EPHA6: variants seen among roughly 807,000 people sequenced by gnomAD.
EPHA6 encodes ephrin type-A receptor 6.
In EPHA6, 50 loss-of-function variants were observed where a neutral mutation model predicts 112.0. The ratio of observed to expected loss-of-function variants is 0.45; its 90% CI spans 0.36 to 0.56. EPHA6 has a LOEUF of 0.56. Ranked by LOEUF, EPHA6 falls within the 20% of genes least tolerant of loss-of-function variation. The probability of loss-of-function intolerance (pLI) is 0.00; values close to 1 mark genes in which losing one functional copy is unlikely to be tolerated. For synonymous variants in EPHA6, 529 were observed against 490.7 expected, an observed-to-expected ratio of 1.08 and a Z score of -1.03; for missense variants, 1,280 against 1,417.4, an observed-to-expected ratio of 0.90 and a Z score of 1.56.
chr3:97,544,749 A>G (rs1228126999), intron 11 of EPHA6, among the ~76,000 whole-genome samples: 3 of 152,154 alleles, frequency 2.0e-5, no homozygotes, highest in Non-Finnish European at 4.4e-5. Flanking sequence ...TAAGCTATTG[A>G]TTATTGCCTC....
At chr3:97,244,375 G>A in intron 5 of EPHA6, 88 bp downstream of exon 5, 1 of 1,146,178 alleles carries the variant, frequency 8.7e-7, no homozygotes, top group Non-Finnish European at 1.3e-6. Flanking sequence ...TATTGCAGGT[G>A]CTATGCAGTC....
intron 2 of EPHA6, among the ~76,000 whole-genome samples, chr3:96,941,636 G>T (rs1176719620): frequency 2.0e-5 from 3 of 152,290 alleles, no homozygotes; most frequent in South Asian, 2.1e-4. Context: ...TTCCATTGCT[G>T]GTGAGGAACT....
At chr3:97,307,397 A>G (rs2081364892) in intron 5 of EPHA6, among the ~76,000 whole-genome samples, 1 of 151,824 alleles carries the variant, frequency 6.6e-6, no homozygotes, top group Non-Finnish European at 1.5e-5. Flanking sequence ...TCAGAGAGTC[A>G]TAGTATTAAC....
At chr3:97,043,327 G>A (rs2045385717) in intron 3 of EPHA6, among the ~76,000 whole-genome samples, 1 of 152,036 alleles carries the variant, frequency 6.6e-6, no homozygotes, top group Admixed American at 6.6e-5. Context: ...ATCCAAACCT[G>A]AGCTGCCCAT....
chr3:96,949,826 C>T (rs2041449969), intron 2 of EPHA6, among the ~76,000 whole-genome samples: 1 of 152,126 alleles, frequency 6.6e-6, no homozygotes. Context: ...CTACCATGAC[C>T]TTAGAAGGTT....
At chr3:97,032,236 G>C (rs1271625611) in intron 3 of EPHA6, among the ~76,000 whole-genome samples, 1 of 152,070 alleles carries the variant, frequency 6.6e-6, no homozygotes, top group African/African-American at 2.4e-5. Flanking sequence ...TCATAGGTGG[G>C]AATTGAACAA....
At chr3:97,076,873 C>A (rs2046544240) in intron 3 of EPHA6, among the ~76,000 whole-genome samples, 1 of 152,108 alleles carries the variant, frequency 6.6e-6, no homozygotes, top group Non-Finnish European at 1.5e-5. Context: ...GACAGCACAT[C>A]TATTTATAGC....
intron 5 of EPHA6, among the ~76,000 whole-genome samples, chr3:97,293,833 C>T (rs1397313851): frequency 6.6e-6 from 1 of 152,208 alleles, no homozygotes; most frequent in East Asian, 1.9e-4. Context: ...GGATCCCTGG[C>T]TGTCCATGCC....
intron 2 of EPHA6, among the ~76,000 whole-genome samples, chr3:96,938,966 A>C (rs578206660): frequency 1.3e-5 from 2 of 152,170 alleles, no homozygotes; most frequent in African/African-American, 4.8e-5. Context: ...CCACTTGATC[A>C]TGGTGGATAA....
At chr3:96,851,834 GA>G (rs1303156276) in intron 1 of EPHA6, among the ~76,000 whole-genome samples, 1 of 149,818 alleles carries the variant, frequency 6.7e-6, no homozygotes, top group Admixed American at 6.6e-5. Flanking sequence ...GGAATGGTGA[GA>G]AAAAAAAACG....
At chr3:97,047,499 CAAAAAAAAAAA>C (rs556388538) in intron 3 of EPHA6, among the ~76,000 whole-genome samples, 2 of 46,452 alleles carry the variant, frequency 4.3e-5, no homozygotes, top group African/African-American at 1.4e-4. Flanking sequence ...GACTCTGTCT[CAAAAAAAAAAA>C]AAAAAAAAAA....
intron 5 of EPHA6, among the ~76,000 whole-genome samples, chr3:97,334,478 C>CTTTTTTTTTTTTTTTT (rs1354125066): frequency 2.3e-5 from 3 of 128,066 alleles, no homozygotes; most frequent in African/African-American, 8.9e-5. Flanking sequence ...TTTTTTTCTT[C>CTTTTTTTTTTTTTTTT]TTTTTTTTTT....
chr3:97,145,467 TTTTA>T, intron 3 of EPHA6, among the ~76,000 whole-genome samples: 1 of 151,486 alleles, frequency 6.6e-6, no homozygotes, highest in Non-Finnish European at 1.5e-5. Context: ...TTTAAAAAAT[TTTTA>T]TTTCTCTTGA....
chr3:97,436,959 G>A (rs147271241), intron 6 of EPHA6, among the ~76,000 whole-genome samples: 55 of 151,878 alleles, frequency 3.6e-4, no homozygotes, highest in Middle Eastern at 3.4e-3. Context: ...CATTCAACCC[G>A]CGGCCCACAC....
intron 8 of EPHA6, among the ~76,000 whole-genome samples, chr3:97,476,004 A>G (rs923784315): frequency 6.6e-6 from 1 of 152,094 alleles, no homozygotes; most frequent in South Asian, 2.1e-4. Context: ...CAAGTGCTTC[A>G]CCCATCAGAA....
Position 97,665,783 on chromosome 3 carries a change from C to T in EPHA6, c.2784+27701C>T, listed in dbSNP as rs28522961. On this transcript the variant is annotated intron_variant, in intron 14 of 17. Transcript: ENST00000389672. ...ATTTAAAGAATACACATTGGCCAGG[C>T]GCGGTGGGTCACGCCTGTAATCCCG... 3.1e-3 allele frequency among the ~76,000 whole-genome samples: 475 copies of T among 152,312 alleles called. 2 individuals carry two copies. Among genetic ancestry groups the T allele is most frequent in the African/African-American group, 0.01 (430 of 41,566 alleles).
At chr3:97,637,742 G>A in intron 13 of EPHA6, 131 bp from the exon 14 acceptor site, 1 of 673,594 alleles carries the variant, frequency 1.5e-6, no homozygotes, top group Non-Finnish European at 2.5e-6. Flanking sequence ...TATGAATATA[G>A]TCAGTGATCA....
rs547764974 is a variant in EPHA6 at position 97,255,338 on chromosome 3, G to C, written c.1606+11051G>C. Among the ~76,000 whole-genome samples, 25 of 152,192 alleles carry C rather than the reference G, an allele frequency of 1.6e-4. 1 individual carries two copies. The East Asian group carries it at 4.6e-3, about 28-fold the overall frequency. On this transcript the variant is annotated intron_variant, in intron 5 of 17. Coordinates refer to ENST00000389672, the MANE Select transcript of EPHA6 (RefSeq NM_001080448.3). ...TAGTGCTTTCACCATGGTCATTCTGGCAACAGTAATGGTTCCTCCAGGGAA... is the reference window on the plus strand; with the variant it reads ...TAGTGCTTTCACCATGGTCATTCTGCCAACAGTAATGGTTCCTCCAGGGAA...
At chr3:97,407,586 T>A (rs2087439619) in intron 6 of EPHA6, among the ~76,000 whole-genome samples, 6 of 152,090 alleles carry the variant, frequency 3.9e-5, no homozygotes, top group Admixed American at 3.9e-4. Context: ...ATTCAGTTAA[T>A]TACATTCCCT....
Sources: allele counts gnomAD v4.1 joint callset (sites outside exome capture counted in the v4.1 genomes callset), GRCh38; gene constraint gnomAD v4.1.1; transcripts MANE v1.5; gene names NCBI Gene and HGNC (gene_info 2026-07-23, HGNC 2026-07-21).